The following BLTP1 variants were observed in gnomAD, a reference collection of about 807,000 sequenced individuals.
The protein encoded by BLTP1 is fragile site-associated protein.
the BLTP1 span, chr4:122,324,473 A>G: frequency 6.2e-7 from 1 of 1,611,200 alleles, no homozygotes; most frequent in African/African-American, 1.3e-5. Flanking sequence ...AAACCAAGTT[A>G]CAGCCGATCA....
At chr4:122,243,752 A>C in the BLTP1 span, 8 of 1,323,512 alleles carry the variant, frequency 6.0e-6, no homozygotes, top group African/African-American at 1.2e-4. Flanking sequence ...ATTCCATAAA[A>C]TTTTTAGTTG....
At chr4:122,293,479 A>T in the BLTP1 span, among the ~76,000 whole-genome samples, 1 of 151,870 alleles carries the variant, frequency 6.6e-6, no homozygotes, top group Non-Finnish European at 1.5e-5. Flanking sequence ...TGACCCTGCC[A>T]GGGAAAACCA....
the BLTP1 span, chr4:122,181,179 A>G: frequency 2.3e-6 from 1 of 441,142 alleles, no homozygotes. Flanking sequence ...AAAGCAGATC[A>G]CTAATTTTAT....
chr4:122,235,638 T>A, the BLTP1 span: 5 of 193,400 alleles, frequency 2.6e-5, no homozygotes, highest in Non-Finnish European at 3.8e-5. Flanking sequence ...ACCCCATCTC[T>A]GCTAAAAATA....
chr4:122,251,094 G>A, the BLTP1 span: 1 of 985,346 alleles, frequency 1.0e-6, no homozygotes, highest in Non-Finnish European at 1.2e-6. Context: ...ATTTTTGGTT[G>A]AAGAAATGTC....
chr4:122,344,325 T>A, the BLTP1 span: 7 of 1,543,934 alleles, frequency 4.5e-6, no homozygotes, highest in African/African-American at 9.6e-5. Context: ...ACTAGACAGC[T>A]GTGTGTATAT....
the BLTP1 span, among the ~76,000 whole-genome samples, chr4:122,352,290 A>G: frequency 1.3e-5 from 2 of 152,146 alleles, no homozygotes; most frequent in African/African-American, 4.8e-5. Flanking sequence ...TGAGAATTAC[A>G]TAAAATTCCA....
At chr4:122,340,823 C>G in the BLTP1 span, 21 of 954,738 alleles carry the variant, frequency 2.2e-5, no homozygotes, top group Non-Finnish European at 2.6e-5. Context: ...ACTCACTATT[C>G]ATTATAGAAA....
chr4:122,277,767 A>C, the BLTP1 span: 4 of 961,780 alleles, frequency 4.2e-6, no homozygotes, highest in Non-Finnish European at 4.9e-6. Context: ...TTGTTATTCT[A>C]ATTTCTTTGA....
At chr4:122,271,325 T>G in the BLTP1 span, 1 of 1,613,898 alleles carries the variant, frequency 6.2e-7, no homozygotes, top group Non-Finnish European at 8.5e-7. Flanking sequence ...TACAGCCGGA[T>G]CTGCTTCCCC....
At chr4:122,275,988 A>T in the BLTP1 span, 2 of 1,565,954 alleles carry the variant, frequency 1.3e-6, no homozygotes, top group Non-Finnish European at 1.7e-6. Context: ...GGATTTTCCT[A>T]CATCTCCTAC....
chr4:122,256,541 C>G, the BLTP1 span, among the ~76,000 whole-genome samples: 1 of 152,138 alleles, frequency 6.6e-6, no homozygotes, highest in Non-Finnish European at 1.5e-5. Context: ...GTAAATAGTG[C>G]TCTTCAATCA....
chr4:122,243,182 T>C, the BLTP1 span: 1 of 1,103,920 alleles, frequency 9.1e-7, no homozygotes, highest in Non-Finnish European at 1.3e-6. Flanking sequence ...TAAGAATAAA[T>C]TACCAAAATA....
the BLTP1 span, among the ~76,000 whole-genome samples, chr4:122,165,165 C>T: frequency 6.6e-6 from 1 of 151,900 alleles, no homozygotes; most frequent in Non-Finnish European, 1.5e-5. Flanking sequence ...TGGTGTGCTG[C>T]ACCCATTAAC....
the BLTP1 span, chr4:122,280,127 A>T: frequency 6.7e-7 from 1 of 1,497,452 alleles, no homozygotes; most frequent in Non-Finnish European, 8.9e-7. Context: ...GAGAGTAGCC[A>T]ATTGTGATCA....
the BLTP1 span, chr4:122,281,435 A>C: frequency 7.1e-7 from 1 of 1,412,180 alleles, no homozygotes; most frequent in Non-Finnish European, 9.2e-7. Flanking sequence ...ATCTATTCAC[A>C]GTATATATTT....
chr4:122,222,411 T>C, the BLTP1 span, among the ~76,000 whole-genome samples: 1 of 152,320 alleles, frequency 6.6e-6, no homozygotes, highest in African/African-American at 2.4e-5. Flanking sequence ...ATTATGACAC[T>C]ATGCACTTTT....
chr4:122,299,003 T>G, the BLTP1 span: 1 of 985,446 alleles, frequency 1.0e-6, no homozygotes, highest in Non-Finnish European at 1.2e-6. Context: ...AGGTGCTTTA[T>G]ACTTGCGTTC....
the BLTP1 span, among the ~76,000 whole-genome samples, chr4:122,222,585 A>G: frequency 6.6e-6 from 1 of 152,168 alleles, no homozygotes; most frequent in African/African-American, 2.4e-5. Context: ...GCTGTAGGGG[A>G]AGATCCTTCC....
Sources: allele counts gnomAD v4.1 joint callset (sites outside exome capture counted in the v4.1 genomes callset), GRCh38; gene constraint gnomAD v4.1.1; transcripts MANE v1.5; gene names NCBI Gene and HGNC (gene_info 2026-07-23, HGNC 2026-07-21).